ATXN7L1: variants seen among roughly 807,000 people sequenced by gnomAD.
The protein encoded by ATXN7L1 is ataxin-7-like protein 1.
In ATXN7L1, 15 loss-of-function variants were observed where a neutral mutation model predicts 70.8. The observed-to-expected ratio is 0.21, with a 90% CI of 0.14 to 0.33. The LOEUF is 0.33. Ranked by LOEUF, ATXN7L1 falls within the 10% of genes least tolerant of loss-of-function variation. The pLI, the probability that ATXN7L1 is intolerant of heterozygous loss-of-function variation, is 1.00. For missense variants in ATXN7L1, 975 were observed against 1,097.1 expected (o/e 0.89, Z 1.57); for synonymous variants, 440 against 445.1 (o/e 0.99, Z 0.14).
chr7:105,643,392 C>A (rs1798534444), intron 4 of ATXN7L1, among the ~76,000 whole-genome samples: 1 of 152,192 alleles, frequency 6.6e-6, no homozygotes, highest in African/African-American at 2.4e-5. Context: ...GATCCTGCAA[C>A]TCCCCACTTC....
intron 4 of ATXN7L1, chr7:105,649,297 G>C: frequency 3.3e-6 from 3 of 900,332 alleles, no homozygotes; most frequent in Non-Finnish European, 4.0e-6. Flanking sequence ...AATATGCTGG[G>C]AGTAGTTCTC....
chr7:105,822,571 A>G (rs1810316350), intron 2 of ATXN7L1, among the ~76,000 whole-genome samples: 3 of 152,200 alleles, frequency 2.0e-5, no homozygotes, highest in Admixed American at 1.3e-4. Context: ...CACACAATTG[A>G]GTTTGCATGT....
intron 3 of ATXN7L1, among the ~76,000 whole-genome samples, chr7:105,784,978 A>G (rs1804082391): frequency 6.6e-6 from 1 of 152,188 alleles, no homozygotes; most frequent in African/African-American, 2.4e-5. Context: ...TGCTTCCCAT[A>G]TATATTTATG....
At chr7:105,657,123 C>T (rs772302457) in intron 4 of ATXN7L1, among the ~76,000 whole-genome samples, 29 of 151,982 alleles carry the variant, frequency 1.9e-4, no homozygotes, top group Non-Finnish European at 2.4e-4. Flanking sequence ...CAGTAGGGGG[C>T]GATACAGAGT....
At chr7:105,653,234 G>A (rs1393780028) in intron 4 of ATXN7L1, among the ~76,000 whole-genome samples, 1 of 152,074 alleles carries the variant, frequency 6.6e-6, no homozygotes, top group Non-Finnish European at 1.5e-5. Flanking sequence ...GATCACTTGA[G>A]GTCAGGAGTT....
intron 2 of ATXN7L1, among the ~76,000 whole-genome samples, chr7:105,849,993 G>A (rs566200571): frequency 2.0e-5 from 3 of 152,116 alleles, no homozygotes; most frequent in Non-Finnish European, 4.4e-5. Context: ...ATTCTAAGCT[G>A]CACTCACCCC....
rs756313448 is a variant in ATXN7L1 at position 105,669,919 on chromosome 7, C to CAA, written c.356-4633_356-4632dup. ...GGGCAACAAGAGCTAAACTCCATCT[C>CAA]AAAAAAAAAAAAAAAAAAAAATTAA... On this transcript the variant is annotated intron_variant, in intron 3 of 11. Coordinates refer to ENST00000419735, the MANE Select transcript of ATXN7L1 (RefSeq NM_020725.2). 5.2e-3 allele frequency among the ~76,000 whole-genome samples: 371 copies of CAA among 71,250 alleles called. 4 individuals are homozygous for CAA. The highest frequency in any genetic ancestry group is 0.017 in the African/African-American group (350 of 20,132). 46.7% of individuals were successfully genotyped at this position (71,250 alleles called of 152,430 possible).
intron 2 of ATXN7L1, among the ~76,000 whole-genome samples, chr7:105,866,327 G>T (rs1391172083): frequency 6.6e-6 from 1 of 152,142 alleles, no homozygotes; most frequent in East Asian, 1.9e-4. Context: ...CTGCCCTGGA[G>T]AGTATTTATT....
intron 3 of ATXN7L1, among the ~76,000 whole-genome samples, chr7:105,754,375 G>T (rs1047284832): frequency 6.6e-6 from 1 of 151,316 alleles, no homozygotes; most frequent in African/African-American, 2.4e-5. Context: ...TTGTTTATTT[G>T]TTCTTTTCTT....
At chr7:105,846,426 A>G (rs1044379923) in intron 2 of ATXN7L1, among the ~76,000 whole-genome samples, 3 of 152,222 alleles carry the variant, frequency 2.0e-5, no homozygotes, top group African/African-American at 4.8e-5. Context: ...ATACCACTTA[A>G]AACCCACTAA....
chr7:105,615,471 T>G (rs1392195001), intron 9 of ATXN7L1, among the ~76,000 whole-genome samples: 1 of 152,224 alleles, frequency 6.6e-6, no homozygotes, highest in Admixed American at 6.5e-5. Context: ...TCGCGGCTGC[T>G]GGCTCCTGGT....
intron 5 of ATXN7L1, among the ~76,000 whole-genome samples, chr7:105,641,928 T>C (rs1205464808): frequency 6.6e-6 from 1 of 152,214 alleles, no homozygotes. Context: ...CAATAAAAAT[T>C]ACCCACAATT....
chr7:105,704,674 A>G (rs924341567), intron 3 of ATXN7L1, among the ~76,000 whole-genome samples: 2 of 143,460 alleles, frequency 1.4e-5, no homozygotes, highest in African/African-American at 5.2e-5. Context: ...GCTTGTTGCA[A>G]CCTCTACTCA....
chr7:105,831,227 A>G (rs1011255263), intron 2 of ATXN7L1, among the ~76,000 whole-genome samples: 1 of 152,228 alleles, frequency 6.6e-6, no homozygotes, highest in Non-Finnish European at 1.5e-5. Context: ...GGTTACATGA[A>G]GAATTCTACT....
intron 3 of ATXN7L1, among the ~76,000 whole-genome samples, chr7:105,770,331 A>G (rs1801814641): frequency 1.3e-5 from 2 of 152,252 alleles, no homozygotes; most frequent in Admixed American, 1.3e-4. Flanking sequence ...GATTAAGCTT[A>G]AGCCTAATGC....
intron 2 of ATXN7L1, among the ~76,000 whole-genome samples, chr7:105,852,786 A>G (rs1343922283): frequency 1.3e-5 from 2 of 152,010 alleles, no homozygotes; most frequent in Non-Finnish European, 2.9e-5. Flanking sequence ...GTATACCCGC[A>G]TTCACAGCAG....
chr7:105,812,997 G>A (rs1333089813), intron 2 of ATXN7L1, among the ~76,000 whole-genome samples: 3 of 152,112 alleles, frequency 2.0e-5, no homozygotes, highest in Non-Finnish European at 4.4e-5. Context: ...GTGAGACCCT[G>A]TCTCAAAAAC....
In ATXN7L1 at chr7:105,613,483, G is replaced by T. The variant is rs1286284415; in HGVS notation, c.2472+379C>A. 9 of 1,112,402 alleles carry T rather than the reference G, an allele frequency of 8.1e-6. No homozygotes were observed. The East Asian group carries it at 3.7e-4, about 45-fold the overall frequency. 68.9% of individuals were successfully genotyped at this position (1,112,402 alleles called of 1,614,324 possible). On this transcript the variant is annotated intron_variant, in intron 10 of 11. Transcript: ENST00000419735. ...GATCAGATCAAACCTCTTAGCAACA[G>T]AACTCTTTAATGACAATGTTCTCAG...
At chr7:105,793,119 A>G (rs1234273468) in intron 2 of ATXN7L1, among the ~76,000 whole-genome samples, 1 of 152,256 alleles carries the variant, frequency 6.6e-6, no homozygotes, top group African/African-American at 2.4e-5. Flanking sequence ...CTTACGTAGA[A>G]CAACATCCCA....
Sources: allele counts gnomAD v4.1 joint callset (sites outside exome capture counted in the v4.1 genomes callset), GRCh38; gene constraint gnomAD v4.1.1; transcripts MANE v1.5; gene names NCBI Gene and HGNC (gene_info 2026-07-23, HGNC 2026-07-21).